Variants in CLYBL observed in about 807,000 individuals in gnomAD.
CLYBL encodes the protein citramalyl-CoA lyase, mitochondrial.
CLYBL carries 31 observed loss-of-function variants against 38.9 expected under a neutral mutation model. That is an observed-to-expected ratio of 0.80 (90% confidence interval 0.60 to 1.08). The LOEUF (loss-of-function observed/expected upper bound fraction) is 1.08. Among genes scored for constraint, CLYBL ranks in the 50% least tolerant of loss-of-function variants. The pLI, the probability that CLYBL is intolerant of heterozygous loss-of-function variation, is 0.00. For missense variants in CLYBL, 434 were observed against 411.6 expected, an observed-to-expected ratio of 1.05 and a Z score of -0.47; for synonymous variants, 171 against 158.6, an observed-to-expected ratio of 1.08 and a Z score of -0.59.
intron 1 of CLYBL, among the ~76,000 whole-genome samples, chr13:99,655,464 A>G (rs1414121628): frequency 6.6e-6 from 1 of 152,252 alleles, no homozygotes; most frequent in African/African-American, 2.4e-5. Flanking sequence ...AAGACAGCTC[A>G]GCAACCTCTA....
chr13:99,715,048 G>A (rs2048291459), intron 1 of CLYBL, among the ~76,000 whole-genome samples: 1 of 152,156 alleles, frequency 6.6e-6, no homozygotes, highest in Non-Finnish European at 1.5e-5. Context: ...TTATCAGCTG[G>A]GGGCCCACCA....
At chr13:99,692,452 C>T (rs1349521524) in intron 1 of CLYBL, among the ~76,000 whole-genome samples, 5 of 151,948 alleles carry the variant, frequency 3.3e-5, no homozygotes, top group East Asian at 1.9e-4. Flanking sequence ...CCATCACGCC[C>T]GGTTAATTTT....
intron 1 of CLYBL, among the ~76,000 whole-genome samples, chr13:99,669,666 C>A (rs1391514121): frequency 6.6e-6 from 1 of 152,126 alleles, no homozygotes; most frequent in Non-Finnish European, 1.5e-5. Context: ...TTTCATTTCC[C>A]ATGAAGATCC....
chr13:99,744,458 C>T (rs1391695461), intron 1 of CLYBL, among the ~76,000 whole-genome samples: 2 of 152,186 alleles, frequency 1.3e-5, no homozygotes, highest in Non-Finnish European at 2.9e-5. Context: ...CCTAGTCAGA[C>T]GTAAACCATC....
At chr13:99,853,438 T>C (rs941552215) in intron 2 of CLYBL, among the ~76,000 whole-genome samples, 1 of 152,254 alleles carries the variant, frequency 6.6e-6, no homozygotes, top group African/African-American at 2.4e-5. Context: ...GCCTGGCATG[T>C]AACGCTTTGT....
chr13:99,805,608 G>A (rs903017211), intron 2 of CLYBL, among the ~76,000 whole-genome samples: 1 of 152,024 alleles, frequency 6.6e-6, no homozygotes, highest in Admixed American at 6.5e-5. Context: ...CAGAGGGAGA[G>A]CTACTGAGTG....
chr13:99,666,307 G>C (rs774035136), intron 1 of CLYBL, among the ~76,000 whole-genome samples: 1 of 152,162 alleles, frequency 6.6e-6, no homozygotes, highest in Non-Finnish European at 1.5e-5. Context: ...ATCTCAGTAA[G>C]GGGCCAAGTG....
chr13:99,774,149 C>T (rs1264876115), intron 2 of CLYBL, among the ~76,000 whole-genome samples: 8 of 152,096 alleles, frequency 5.3e-5, no homozygotes, highest in Non-Finnish European at 1.0e-4. Context: ...GGTAGAATCA[C>T]GTGAGCCCGA....
intron 1 of CLYBL, among the ~76,000 whole-genome samples, chr13:99,620,474 A>G (rs2763943): frequency 0.35 from 53,075 of 152,076 alleles, 9,768 homozygotes; most frequent in Non-Finnish European, 0.41. Context: ...CTCAAGTGCT[A>G]TACATTTTAA....
chr13:99,627,824 G>GCATTCAC (rs1409138507), intron 1 of CLYBL, among the ~76,000 whole-genome samples: 1 of 152,216 alleles, frequency 6.6e-6, no homozygotes, highest in African/African-American at 2.4e-5. Context: ...TCTCAGACCT[G>GCATTCAC]CATTCACGTA....
At chr13:99,839,365 A>T (rs1594213765) in intron 2 of CLYBL, among the ~76,000 whole-genome samples, 1 of 152,242 alleles carries the variant, frequency 6.6e-6, no homozygotes, top group East Asian at 1.9e-4. Flanking sequence ...AGGTCCATCC[A>T]GTGGCTGTGT....
intron 1 of CLYBL, among the ~76,000 whole-genome samples, chr13:99,705,090 G>T (rs1022004191): frequency 6.6e-6 from 1 of 152,098 alleles, no homozygotes; most frequent in African/African-American, 2.4e-5. Context: ...AGCATATACC[G>T]AAAAGTGTTC....
intron 1 of CLYBL, among the ~76,000 whole-genome samples, chr13:99,768,520 TTTTTTTTTA>T (rs2049318729): frequency 1.9e-4 from 2 of 10,786 alleles, no homozygotes; most frequent in South Asian, 2.5e-3. Context: ...TTTTTTTTTT[TTTTTTTTTA>T]AAGACAGAAT....
At chr13:99,794,137 G>A (rs1022267875) in intron 2 of CLYBL, among the ~76,000 whole-genome samples, 1 of 152,138 alleles carries the variant, frequency 6.6e-6, no homozygotes, top group African/African-American at 2.4e-5. Flanking sequence ...AATCAAATAT[G>A]TGGCCAGGCG....
intron 1 of CLYBL, among the ~76,000 whole-genome samples, chr13:99,760,497 A>G (rs2049145310): frequency 6.6e-6 from 1 of 152,210 alleles, no homozygotes; most frequent in East Asian, 1.9e-4. Context: ...ACTGGTGACA[A>G]ACTCCCTTGG....
At chr13:99,759,886 A>G (rs2049133739) in intron 1 of CLYBL, among the ~76,000 whole-genome samples, 1 of 152,162 alleles carries the variant, frequency 6.6e-6, no homozygotes, top group Non-Finnish European at 1.5e-5. Flanking sequence ...AATATCAGCA[A>G]TTTCATATAG....
chr13:99,681,240 C>A (rs1331361457), intron 1 of CLYBL, among the ~76,000 whole-genome samples: 3 of 152,110 alleles, frequency 2.0e-5, no homozygotes, highest in African/African-American at 7.2e-5. Context: ...AGAATAGATA[C>A]TAGTATCGTA....
chr13:99,841,812 CTTTTTTTTT>C (rs67827288), intron 2 of CLYBL, among the ~76,000 whole-genome samples: 1 of 105,396 alleles, frequency 9.5e-6, no homozygotes, highest in Non-Finnish European at 1.8e-5. Flanking sequence ...TTTTCTTTTC[CTTTTTTTTT>C]TTTTTTTTTT....
rs146002596 is a variant in CLYBL at position 99,607,641 on chromosome 13, A to C, written c.62+884A>C. 6.6e-5 allele frequency among the ~76,000 whole-genome samples: 10 copies of C among 152,340 alleles called. No homozygotes were observed. The East Asian group carries it at 1.9e-3, about 29-fold the overall frequency. ...GTGTCATGTTTATAAAGATGAAAAA[A>C]CAGGGTCAGAAAGGTTAAGGATTCT... On this transcript the variant is annotated intron_variant, in intron 1 of 8. Transcript: ENST00000339105.
Sources: gnomAD v4.1 joint callset for allele counts (sites outside exome capture counted in the v4.1 genomes callset) on GRCh38, gnomAD v4.1.1 for gene constraint, MANE v1.5 for transcripts, NCBI Gene and HGNC (gene_info 2026-07-23, HGNC 2026-07-21) for gene names.